The following SNTG1 variants were observed in gnomAD, a reference collection of about 807,000 sequenced individuals.
SNTG1 encodes syntrophin gamma 1.
SNTG1 carries 39 observed loss-of-function variants against 74.7 expected under a neutral mutation model. The observed-to-expected ratio is 0.52, with a 90% CI of 0.40 to 0.68. The LOEUF (loss-of-function observed/expected upper bound fraction) is 0.68. Among genes scored for constraint, SNTG1 ranks in the 30% least tolerant of loss-of-function variants. SNTG1 has a pLI of 0.00. For missense variants in SNTG1, 685 were observed against 609.5 expected, an observed-to-expected ratio of 1.12 and a Z score of -1.30; for synonymous variants, 254 against 217.1, an observed-to-expected ratio of 1.17 and a Z score of -1.49.
At chr8:50,690,751 A>G (rs1385202686) in intron 15 of SNTG1, among the ~76,000 whole-genome samples, 1 of 152,142 alleles carries the variant, frequency 6.6e-6, no homozygotes, top group Non-Finnish European at 1.5e-5. Context: ...AGTTCTGCAG[A>G]TGTCTATTAG....
intron 1 of SNTG1, among the ~76,000 whole-genome samples, chr8:49,984,456 C>T (rs141358029): frequency 1.3e-4 from 20 of 152,194 alleles, no homozygotes; most frequent in African/African-American, 4.1e-4. Context: ...CCGCCCACCT[C>T]GGCCTCCCAA....
At chr8:50,020,793 C>T (rs139287062) in intron 1 of SNTG1, among the ~76,000 whole-genome samples, 191 of 152,194 alleles carry the variant, frequency 1.3e-3, no homozygotes, top group African/African-American at 4.2e-3. Flanking sequence ...ATCCAATGCA[C>T]CTTGGATTTT....
chr8:50,138,073 T>G (rs879341209), intron 1 of SNTG1, among the ~76,000 whole-genome samples: 2 of 152,108 alleles, frequency 1.3e-5, no homozygotes, highest in Admixed American at 1.3e-4. Flanking sequence ...GAAACCTATC[T>G]AGTGGAGGAA....
intron 4 of SNTG1, among the ~76,000 whole-genome samples, chr8:50,416,160 T>C (rs932454169): frequency 3.9e-5 from 6 of 152,232 alleles, no homozygotes; most frequent in Non-Finnish European, 7.4e-5. Flanking sequence ...ATTAAACTTG[T>C]ATAATCATCA....
At chr8:49,979,240 G>T (rs1337719788) in intron 1 of SNTG1, among the ~76,000 whole-genome samples, 1 of 152,152 alleles carries the variant, frequency 6.6e-6, no homozygotes, top group Non-Finnish European at 1.5e-5. Context: ...AGCGGAGTGC[G>T]CCTGGGACTG....
intron 2 of SNTG1, among the ~76,000 whole-genome samples, chr8:50,187,202 T>C (rs905634031): frequency 6.6e-6 from 1 of 152,116 alleles, no homozygotes; most frequent in Non-Finnish European, 1.5e-5. Context: ...AGAGATCATA[T>C]AGCCAAGACA....
At chr8:50,077,619 T>C (rs1441871484) in intron 1 of SNTG1, among the ~76,000 whole-genome samples, 2 of 152,164 alleles carry the variant, frequency 1.3e-5, no homozygotes, top group Non-Finnish European at 2.9e-5. Flanking sequence ...AACAGATAAG[T>C]TGTAATTTTT....
chr8:49,970,934 A>G (rs1811606141), intron 1 of SNTG1, among the ~76,000 whole-genome samples: 1 of 152,212 alleles, frequency 6.6e-6, no homozygotes, highest in East Asian at 1.9e-4. Context: ...GAATTCTACC[A>G]CAGGTACAAG....
chr8:49,961,343 T>C (rs1028397387), intron 1 of SNTG1, among the ~76,000 whole-genome samples: 1 of 152,184 alleles, frequency 6.6e-6, no homozygotes, highest in African/African-American at 2.4e-5. Flanking sequence ...CCATCAGCCA[T>C]AGGCCCAGAA....
At chr8:50,076,078 T>C (rs75131219) in intron 1 of SNTG1, among the ~76,000 whole-genome samples, 15 of 152,200 alleles carry the variant, frequency 9.9e-5, no homozygotes, top group Admixed American at 7.8e-4. Flanking sequence ...AAATCCAATA[T>C]CTGTAAAGTG....
chr8:50,210,898 A>G (rs1275591641), intron 2 of SNTG1, among the ~76,000 whole-genome samples: 3 of 152,238 alleles, frequency 2.0e-5, no homozygotes, highest in African/African-American at 7.2e-5. Flanking sequence ...ACCTAATTGT[A>G]CATAGTCACT....
intron 18 of SNTG1, among the ~76,000 whole-genome samples, chr8:50,774,824 A>G (rs961721782): frequency 6.6e-6 from 1 of 151,598 alleles, no homozygotes; most frequent in Non-Finnish European, 1.5e-5. Flanking sequence ...AGTGGGGGGA[A>G]CAGAGTTATA....
chr8:50,130,577 C>T (rs1182156987), intron 1 of SNTG1, among the ~76,000 whole-genome samples: 1 of 152,060 alleles, frequency 6.6e-6, no homozygotes, highest in Non-Finnish European at 1.5e-5. Context: ...CAAATACCAG[C>T]TTGCCTTTCC....
At chr8:50,708,176 G>A (rs2095450313) in intron 16 of SNTG1, 1 of 182,352 alleles carries the variant, frequency 5.5e-6, no homozygotes, top group Admixed American at 6.2e-5. Context: ...GCTCTAGCCT[G>A]GGCAACAGAG....
chr8:50,353,451 G>T (rs780456696), intron 2 of SNTG1, among the ~76,000 whole-genome samples: 11 of 152,070 alleles, frequency 7.2e-5, no homozygotes, highest in Non-Finnish European at 1.3e-4. Flanking sequence ...ACTAAAATTA[G>T]CATTGCAAAT....
chr8:50,226,735 G>T (rs901734330), intron 2 of SNTG1, among the ~76,000 whole-genome samples: 1 of 152,102 alleles, frequency 6.6e-6, no homozygotes. Context: ...TTTGGTTGAT[G>T]TCTCATGCCT....
At chr8:50,384,326 CTTGA>C (rs1292515978) in intron 2 of SNTG1, among the ~76,000 whole-genome samples, 2 of 152,144 alleles carry the variant, frequency 1.3e-5, no homozygotes, top group Non-Finnish European at 2.9e-5. Flanking sequence ...AGGTGAGTGC[CTTGA>C]TCAGAAGAAA....
At chr8:50,301,073 T>C (rs979084194) in intron 2 of SNTG1, among the ~76,000 whole-genome samples, 5 of 152,134 alleles carry the variant, frequency 3.3e-5, no homozygotes, top group African/African-American at 1.2e-4. Flanking sequence ...GCTTATCCTA[T>C]TTGGAGTTTA....
At chr8:50,738,379 A>T (rs2095534351) in intron 17 of SNTG1, among the ~76,000 whole-genome samples, 1 of 152,186 alleles carries the variant, frequency 6.6e-6, no homozygotes. Flanking sequence ...TTCAAAGAGA[A>T]CTAGAAACCA....
Sources: allele counts gnomAD v4.1 joint callset (sites outside exome capture counted in the v4.1 genomes callset), GRCh38; gene constraint gnomAD v4.1.1; transcripts MANE v1.5; gene names NCBI Gene and HGNC (gene_info 2026-07-23, HGNC 2026-07-21).